SAP30BP: variants seen among roughly 807,000 people sequenced by gnomAD.
SAP30BP encodes the protein SAP30-binding protein.
In SAP30BP, 31 loss-of-function variants were observed where a neutral mutation model predicts 46.3. The ratio of observed to expected loss-of-function variants is 0.67; its 90% CI spans 0.50 to 0.90. The LOEUF (loss-of-function observed/expected upper bound fraction) is 0.90. Among genes scored for constraint, SAP30BP ranks in the 40% least tolerant of loss-of-function variants. SAP30BP has a pLI of 0.00. For missense variants in SAP30BP, 312 were observed against 391.0 expected (o/e 0.80, Z 1.70); for synonymous variants, 169 against 144.2 (o/e 1.17, Z -1.23).
At chr17:75,675,064 G>A (rs1219289191) in intron 3 of SAP30BP, among the ~76,000 whole-genome samples, 1 of 151,868 alleles carries the variant, frequency 6.6e-6, no homozygotes, top group East Asian at 1.9e-4. Context: ...TTTGTTAGAA[G>A]TGTTGTTTAA....
At chr17:75,701,107 C>T (rs1366620879) in intron 5 of SAP30BP, among the ~76,000 whole-genome samples, 1 of 152,146 alleles carries the variant, frequency 6.6e-6, no homozygotes, top group Non-Finnish European at 1.5e-5. Flanking sequence ...TCTGCTCTGG[C>T]CAGTCTTGGT....
Position 75,705,990 on chromosome 17 carries a change from T to TTCCCTC in SAP30BP, c.661-8_661-3dup. On this transcript the variant is annotated splice_polypyrimidine_tract_variant and intron_variant, in intron 9 of 10. Coordinates refer to ENST00000584667, the MANE Select transcript of SAP30BP (RefSeq NM_013260.8). ...CCCAGCTTTGCCTGGTCTTATTCTC[T>TTCCCTC]TCCCTCTCCCTCTCCAGATTGAGTT... The TTCCCTC allele has an allele frequency of 1.2e-6, 2 of 1,611,876 alleles. No individual in the cohort carries two copies. The highest frequency in any genetic ancestry group is 8.5e-7 in the Non-Finnish European group (1 of 1,179,838).
At chr17:75,699,321 A>G (rs181499209) in intron 4 of SAP30BP, among the ~76,000 whole-genome samples, 16 of 152,212 alleles carry the variant, frequency 1.1e-4, no homozygotes, top group Admixed American at 3.3e-4. Flanking sequence ...TAGTTCCTCA[A>G]TAGCTGGGTT....
intron 9 of SAP30BP, 29 bp from the exon 10 acceptor site, chr17:75,705,979 G>A (rs1280575183): frequency 2.5e-6 from 4 of 1,610,422 alleles, no homozygotes; most frequent in Admixed American, 1.7e-5. Flanking sequence ...GCTTTGCCTG[G>A]TCTTATTCTC....
At chr17:75,700,546 C>T (rs1799137989) in intron 5 of SAP30BP, among the ~76,000 whole-genome samples, 2 of 152,320 alleles carry the variant, frequency 1.3e-5, no homozygotes, top group Middle Eastern at 3.4e-3. Flanking sequence ...GGAGCTCCCA[C>T]TGGGTGCCTC....
chr17:75,671,964 CTG>C (rs1185301381), intron 3 of SAP30BP, 101 bp downstream of exon 3: 30 of 928,216 alleles, frequency 3.2e-5, no homozygotes, highest in African/African-American at 8.1e-5. Context: ...CACTGACAAA[CTG>C]TGCAACTGTG....
intron 3 of SAP30BP, among the ~76,000 whole-genome samples, chr17:75,684,966 G>T (rs895579579): frequency 2.0e-5 from 3 of 152,116 alleles, no homozygotes; most frequent in Non-Finnish European, 4.4e-5. Context: ...ATGCAAAGGG[G>T]AACAATGACC....
At chr17:75,687,888 T>A (rs934672565) in intron 3 of SAP30BP, among the ~76,000 whole-genome samples, 1 of 151,418 alleles carries the variant, frequency 6.6e-6, no homozygotes, top group African/African-American at 2.4e-5. Context: ...GAACCTAAAC[T>A]TGACAGAAGA....
intron 2 of SAP30BP, among the ~76,000 whole-genome samples, chr17:75,670,407 C>T (rs998489780): frequency 6.6e-6 from 1 of 152,214 alleles, no homozygotes; most frequent in African/African-American, 2.4e-5. Flanking sequence ...GCCTTTAGCC[C>T]CATCCATTAA....
At chr17:75,677,292 A>G (rs1324094603) in intron 3 of SAP30BP, among the ~76,000 whole-genome samples, 1 of 151,292 alleles carries the variant, frequency 6.6e-6, no homozygotes, top group Non-Finnish European at 1.5e-5. Context: ...TTTAGTAGAG[A>G]CAGGGTTTCA....
Position 75,674,690 on chromosome 17 carries a change from G to GTTTTTTTTTT in SAP30BP, c.264+2833_264+2834insTTTTTTTTTT, listed in dbSNP as rs1287087489. Among the ~76,000 whole-genome samples the GTTTTTTTTTT allele has an allele frequency of 5.1e-3, 202 of 39,564 alleles. 22 individuals are homozygous for GTTTTTTTTTT. Among genetic ancestry groups the GTTTTTTTTTT allele is most frequent in the African/African-American group, 0.01 (157 of 15,104 alleles). The allele number at this position is 39,564 out of a possible 152,430, so 26.0% of individuals were successfully genotyped here. A position where few individuals can be genotyped will look rare whatever the true frequency, so the allele number is the denominator to read the frequency against. The stretch of plus-strand genomic sequence containing the variant: ...TTAAGCATATGAAGTTTTTTTGTTT[G>GTTTTTTTTTT]TTTTTTGTTTTTTTTTTTTTTTTTT... On this transcript the variant is annotated intron_variant, in intron 3 of 10. Coordinates refer to ENST00000584667, the MANE Select transcript of SAP30BP (RefSeq NM_013260.8).
intron 3 of SAP30BP, among the ~76,000 whole-genome samples, chr17:75,687,007 A>C (rs1454473349): frequency 6.6e-6 from 1 of 152,174 alleles, no homozygotes; most frequent in African/African-American, 2.4e-5. Flanking sequence ...TGTTTTGACT[A>C]TTACTTTGAT....
At chr17:75,668,280 A>G (rs896295326) in intron 1 of SAP30BP, 20 of 473,340 alleles carry the variant, frequency 4.2e-5, no homozygotes, top group African/African-American at 3.7e-4. Context: ...AGCATTAGAA[A>G]CAGAATTTAG....
At chr17:75,674,971 G>A (rs1204189683) in intron 3 of SAP30BP, among the ~76,000 whole-genome samples, 2 of 152,044 alleles carry the variant, frequency 1.3e-5, no homozygotes, top group Admixed American at 6.5e-5. Context: ...CCAAAGGGCT[G>A]GGATTAGAGC....
At chr17:75,672,192 C>T (rs1162870323) in intron 3 of SAP30BP, 3 of 330,520 alleles carry the variant, frequency 9.1e-6, no homozygotes, top group Non-Finnish European at 1.2e-5. Flanking sequence ...GTGGATTAGT[C>T]TGTTTCTAGA....
At chr17:75,685,952 A>C (rs1024225312) in intron 3 of SAP30BP, among the ~76,000 whole-genome samples, 1 of 151,700 alleles carries the variant, frequency 6.6e-6, no homozygotes, top group Non-Finnish European at 1.5e-5. Context: ...AATCAAATGT[A>C]GATTGTACTT....
intron 2 of SAP30BP, among the ~76,000 whole-genome samples, chr17:75,669,006 G>C (rs1436036185): frequency 2.6e-5 from 4 of 151,796 alleles, no homozygotes; most frequent in Admixed American, 6.6e-5. Context: ...ATCTTGGTTG[G>C]GGCTCATTTA....
intron 3 of SAP30BP, among the ~76,000 whole-genome samples, chr17:75,685,026 C>A (rs1349837541): frequency 6.6e-6 from 1 of 152,160 alleles, no homozygotes; most frequent in Non-Finnish European, 1.5e-5. Context: ...GCCAGAGGGG[C>A]CTTCTTGATG....
intron 4 of SAP30BP, among the ~76,000 whole-genome samples, 169 bp downstream of exon 4, chr17:75,693,651 C>T (rs375110599): frequency 2.0e-5 from 3 of 152,182 alleles, no homozygotes; most frequent in South Asian, 2.1e-4. Flanking sequence ...CCGGGTGAGA[C>T]GTCCAGGGAA....
Sources: gnomAD v4.1 joint callset for allele counts (sites outside exome capture counted in the v4.1 genomes callset) on GRCh38, gnomAD v4.1.1 for gene constraint, MANE v1.5 for transcripts, NCBI Gene and HGNC (gene_info 2026-07-23, HGNC 2026-07-21) for gene names.